The following ST6GALNAC3 variants were observed in gnomAD, a reference collection of about 807,000 sequenced individuals.
The protein encoded by ST6GALNAC3 is alpha-N-acetylgalactosaminide alpha-2,6-sialyltransferase 3.
A neutral mutation model predicts 32.7 loss-of-function variants in ST6GALNAC3; 25 were observed. The observed-to-expected ratio is 0.76, with a 90% CI of 0.56 to 1.07. The LOEUF is 1.07. ST6GALNAC3 is among the 50% of genes least tolerant of loss of function. ST6GALNAC3 has a pLI of 0.00. For missense variants in ST6GALNAC3, 355 were observed against 382.4 expected (o/e 0.93, Z 0.60); for synonymous variants, 129 against 133.1 (o/e 0.97, Z 0.21).
chr1:76,076,499 C>T (rs1470663112), intron 1 of ST6GALNAC3, among the ~76,000 whole-genome samples: 1 of 152,170 alleles, frequency 6.6e-6, no homozygotes, highest in African/African-American at 2.4e-5. Flanking sequence ...TGATGTTGGA[C>T]AAGTTACTTA....
intron 1 of ST6GALNAC3, among the ~76,000 whole-genome samples, chr1:76,202,014 G>A (rs1654546318): frequency 6.6e-6 from 1 of 152,116 alleles, no homozygotes; most frequent in African/African-American, 2.4e-5. Flanking sequence ...TAAAGCAAAA[G>A]TAATGAACTG....
At chr1:76,418,893 T>G (rs1654835064) in intron 3 of ST6GALNAC3, among the ~76,000 whole-genome samples, 1 of 151,726 alleles carries the variant, frequency 6.6e-6, no homozygotes, top group Non-Finnish European at 1.5e-5. Context: ...TGACCTACAT[T>G]AGGCCTCCTC....
intron 3 of ST6GALNAC3, among the ~76,000 whole-genome samples, chr1:76,577,671 C>A (rs539855580): frequency 1.3e-5 from 2 of 152,052 alleles, no homozygotes; most frequent in South Asian, 4.1e-4. Context: ...GTCCTCCCAG[C>A]ATTGTGCACA....
intron 2 of ST6GALNAC3, among the ~76,000 whole-genome samples, chr1:76,389,428 G>T (rs1211267934): frequency 2.0e-5 from 3 of 152,150 alleles, no homozygotes; most frequent in East Asian, 1.9e-4. Flanking sequence ...TGATTTGGGG[G>T]TTAACACAAG....
At chr1:76,541,400 T>G (rs1663982624) in intron 3 of ST6GALNAC3, among the ~76,000 whole-genome samples, 1 of 152,184 alleles carries the variant, frequency 6.6e-6, no homozygotes, top group Admixed American at 6.6e-5. Context: ...AGCCCAAGTA[T>G]CTGATCTTTC....
intron 3 of ST6GALNAC3, among the ~76,000 whole-genome samples, chr1:76,497,610 C>T (rs988665288): frequency 2.0e-5 from 3 of 152,134 alleles, no homozygotes; most frequent in African/African-American, 7.2e-5. Context: ...GTTCTCCTCC[C>T]GTTACTTGGC....
intron 3 of ST6GALNAC3, among the ~76,000 whole-genome samples, chr1:76,524,798 T>A (rs2101801454): frequency 6.6e-6 from 1 of 151,978 alleles, no homozygotes; most frequent in South Asian, 2.1e-4. Context: ...TGCATCTAGC[T>A]TCTGGGATTT....
At chr1:76,421,930 C>A (rs778470691) in intron 3 of ST6GALNAC3, among the ~76,000 whole-genome samples, 34 of 151,918 alleles carry the variant, frequency 2.2e-4, no homozygotes, top group Non-Finnish European at 3.8e-4. Flanking sequence ...ATGAGTCTAC[C>A]ATGATAGCAT....
intron 1 of ST6GALNAC3, among the ~76,000 whole-genome samples, chr1:76,140,522 G>A (rs1650244030): frequency 6.6e-6 from 1 of 152,034 alleles, no homozygotes; most frequent in African/African-American, 2.4e-5. Context: ...TCCTCTGGCA[G>A]AGTGTTTATC....
chr1:76,543,280 G>T (rs1163496280), intron 3 of ST6GALNAC3, among the ~76,000 whole-genome samples: 1 of 152,266 alleles, frequency 6.6e-6, no homozygotes, highest in African/African-American at 2.4e-5. Flanking sequence ...TCGGGAACTG[G>T]AACATCTGGA....
At chr1:76,361,412 C>G (rs1382257382) in intron 2 of ST6GALNAC3, among the ~76,000 whole-genome samples, 2 of 152,030 alleles carry the variant, frequency 1.3e-5, no homozygotes, top group African/African-American at 4.8e-5. Context: ...CTTGATTTCC[C>G]TCCTATTTCC....
chr1:76,154,008 C>T (rs546926698), intron 1 of ST6GALNAC3, among the ~76,000 whole-genome samples: 4 of 152,234 alleles, frequency 2.6e-5, no homozygotes, highest in African/African-American at 4.8e-5. Flanking sequence ...CGTCTGTAGT[C>T]GGGAGGGCTT....
At chr1:76,123,378 C>CAA (rs869281587) in intron 1 of ST6GALNAC3, among the ~76,000 whole-genome samples, 38 of 63,288 alleles carry the variant, frequency 6.0e-4, no homozygotes, top group Non-Finnish European at 7.9e-4. Flanking sequence ...GGCTCCATCT[C>CAA]AAAAAAAAAA....
intron 3 of ST6GALNAC3, among the ~76,000 whole-genome samples, chr1:76,447,799 T>A (rs1276670646): frequency 6.6e-6 from 1 of 152,034 alleles, no homozygotes; most frequent in Non-Finnish European, 1.5e-5. Context: ...AGAATTGAGG[T>A]TTGGGAACCT....
intron 2 of ST6GALNAC3, among the ~76,000 whole-genome samples, chr1:76,394,530 A>G (rs1341483253): frequency 6.6e-6 from 1 of 152,188 alleles, no homozygotes; most frequent in Non-Finnish European, 1.5e-5. Flanking sequence ...TGGCCACTAT[A>G]TGATAAATTT....
chr1:76,396,232 A>T (rs1652945439), intron 2 of ST6GALNAC3, among the ~76,000 whole-genome samples: 1 of 152,212 alleles, frequency 6.6e-6, no homozygotes, highest in Admixed American at 6.5e-5. Context: ...TGGAAGACCA[A>T]GGTGGGAGGA....
At chr1:76,168,207 A>G (rs1342078000) in intron 1 of ST6GALNAC3, among the ~76,000 whole-genome samples, 1 of 152,186 alleles carries the variant, frequency 6.6e-6, no homozygotes, top group Non-Finnish European at 1.5e-5. Context: ...TTAGTTTCAA[A>G]GAACTTCTTG....
Position 76,412,387 on chromosome 1 carries a change from G to A in ST6GALNAC3, c.593G>A (p.Gly198Glu), listed in dbSNP as rs761289544. 1 of 1,605,248 alleles carries A rather than the reference G, an allele frequency of 6.2e-7. No individual in the cohort carries two copies. The highest frequency in any genetic ancestry group is 1.7e-5 in the Admixed American group (1 of 59,078). ...GAGAAGCGCATGAGTTACTGTGATG[G>A]AGTTTTTAAGAAGGAAACTGGGAAG... ...TTEKRMSYCD[G>E]VFKKETGKDR... The change falls in exon 3 of 5, where the codon GGA (glycine) becomes GAA (glutamate). Residue 198 changes from glycine (G) to glutamate (E), a missense_variant. Physicochemically the swap from Gly to Glu is moderately conservative, Grantham distance 98. Coordinates refer to ENST00000328299, the MANE Select transcript of ST6GALNAC3 (RefSeq NM_152996.4).
chr1:76,085,157 T>A (rs1436821549), intron 1 of ST6GALNAC3, among the ~76,000 whole-genome samples: 1 of 152,176 alleles, frequency 6.6e-6, no homozygotes, highest in African/African-American at 2.4e-5. Flanking sequence ...GAAATTCAAA[T>A]TTTTCACCCA....
Sources: gnomAD v4.1 joint callset for allele counts (sites outside exome capture counted in the v4.1 genomes callset) on GRCh38, gnomAD v4.1.1 for gene constraint, MANE v1.5 for transcripts, NCBI Gene and HGNC (gene_info 2026-07-23, HGNC 2026-07-21) for gene names.